The following RANBP2 variants were observed in gnomAD, a reference collection of about 807,000 sequenced individuals.
RANBP2 encodes E3 SUMO-protein ligase RanBP2.
A neutral mutation model predicts 303.6 loss-of-function variants in RANBP2; 57 were observed. The ratio of observed to expected loss-of-function variants is 0.19; its 90% CI spans 0.15 to 0.23. The LOEUF (loss-of-function observed/expected upper bound fraction) is 0.23. Among genes scored for constraint, RANBP2 ranks in the 10% least tolerant of loss-of-function variants. The probability of loss-of-function intolerance (pLI) is 1.00; values close to 1 mark genes in which losing one functional copy is unlikely to be tolerated. For synonymous variants in RANBP2, 1,167 were observed against 1,301.5 expected, an observed-to-expected ratio of 0.90 and a Z score of 2.23; for missense variants, 3,138 against 3,780.8, an observed-to-expected ratio of 0.83 and a Z score of 4.46.
the RANBP2 span, among the ~76,000 whole-genome samples, chr2:109,257,992 A>G: frequency 1.7e-5 from 2 of 119,472 alleles, no homozygotes; most frequent in South Asian, 2.7e-4. Flanking sequence ...TTGTCACCAC[A>G]TGTGCACACA....
rs575985789 is a variant in RANBP2 at position 108,744,784 on chromosome 2, A to C, written c.976-1927A>C. On this transcript the variant is annotated intron_variant, in intron 7 of 28. Coordinates refer to ENST00000283195, the MANE Select transcript of RANBP2 (RefSeq NM_006267.5). ...TTCTGGCGGCTCTTAAGAATATGCT[A>C]TGAAGACTCCTTTCTGTTCCCTAGT... is the stretch of plus-strand genomic sequence containing the variant. Among the ~76,000 whole-genome samples, 3 of 152,252 alleles carry C rather than the reference A, an allele frequency of 2.0e-5. No individual in the cohort carries two copies. In the South Asian group the frequency reaches 6.2e-4, roughly 31 times the overall value.
At chr2:109,763,366 C>T in the RANBP2 span, among the ~76,000 whole-genome samples, 118 of 150,226 alleles carry the variant, frequency 7.9e-4, 8 homozygotes, top group African/African-American at 2.8e-3. Context: ...GGTAACCTGC[C>T]CAGAGTCACA....
At chr2:108,996,284 T>C in the RANBP2 span, among the ~76,000 whole-genome samples, 3 of 152,052 alleles carry the variant, frequency 2.0e-5, no homozygotes, top group South Asian at 4.2e-4. Flanking sequence ...AGCCACACAG[T>C]TTAGGGATCT....
the RANBP2 span, among the ~76,000 whole-genome samples, chr2:108,994,020 C>T: frequency 1.3e-5 from 2 of 152,156 alleles, no homozygotes; most frequent in Admixed American, 1.3e-4. Context: ...GCCTCCATGA[C>T]CTAATCACCT....
chr2:108,805,019 T>C, the RANBP2 span: 32 of 1,438,780 alleles, frequency 2.2e-5, no homozygotes, highest in African/African-American at 3.8e-4. Context: ...GTAAGACCTG[T>C]TTTAATATAT....
the RANBP2 span, among the ~76,000 whole-genome samples, chr2:109,676,223 T>A: frequency 1.3e-5 from 2 of 152,158 alleles, no homozygotes; most frequent in African/African-American, 4.8e-5. Flanking sequence ...GACTACCACG[T>A]CCACACCCTG....
At chr2:109,444,925 A>G in the RANBP2 span, among the ~76,000 whole-genome samples, 11 of 152,234 alleles carry the variant, frequency 7.2e-5, no homozygotes, top group Non-Finnish European at 1.5e-4. Flanking sequence ...GGAATAACAT[A>G]TACACACACA....
the RANBP2 span, among the ~76,000 whole-genome samples, chr2:109,094,293 C>T: frequency 2.6e-5 from 4 of 152,094 alleles, no homozygotes; most frequent in Admixed American, 1.3e-4. Context: ...TATCTTCTCC[C>T]GTAGTATTTC....
At chr2:109,615,709 G>T in the RANBP2 span, 43 of 1,613,688 alleles carry the variant, frequency 2.7e-5, no homozygotes, top group African/African-American at 4.8e-4. Context: ...AGCGCCGCGG[G>T]TAGCGGCGGC....
At chr2:109,543,678 C>A in the RANBP2 span, 1 of 152,664 alleles carries the variant, frequency 6.6e-6, no homozygotes, top group African/African-American at 2.4e-5. Flanking sequence ...GCACTGACTT[C>A]GCTCTTTGGT....
the RANBP2 span, among the ~76,000 whole-genome samples, chr2:109,497,435 TAATG>T: frequency 6.6e-6 from 1 of 152,206 alleles, no homozygotes; most frequent in East Asian, 1.9e-4. Flanking sequence ...ATGGTAATAA[TAATG>T]GAATGAGAAT....
chr2:109,100,767 C>T, the RANBP2 span, among the ~76,000 whole-genome samples: 1 of 151,994 alleles, frequency 6.6e-6, no homozygotes, highest in African/African-American at 2.4e-5. Context: ...AAAAGGGAGA[C>T]AATAAGGACT....
chr2:109,236,687 A>C, the RANBP2 span, among the ~76,000 whole-genome samples: 1 of 152,212 alleles, frequency 6.6e-6, no homozygotes, highest in Admixed American at 6.5e-5. Context: ...GGTCGAAGAA[A>C]GGAAATCCCA....
chr2:109,393,873 C>T, the RANBP2 span, among the ~76,000 whole-genome samples: 1 of 150,374 alleles, frequency 6.7e-6, no homozygotes, highest in Non-Finnish European at 1.5e-5. Flanking sequence ...GCCAATCTTA[C>T]TCCTTTTTTA....
the RANBP2 span, among the ~76,000 whole-genome samples, chr2:108,974,229 T>A: frequency 2.2e-4 from 31 of 140,990 alleles, no homozygotes; most frequent in Admixed American, 1.8e-3. Context: ...AGTTGGGAGG[T>A]TGAGGCAGGA....
the RANBP2 span, among the ~76,000 whole-genome samples, chr2:108,973,864 G>A: frequency 6.6e-6 from 1 of 152,158 alleles, no homozygotes. Flanking sequence ...CATTTCTTGG[G>A]ATTCAAGATG....
the RANBP2 span, among the ~76,000 whole-genome samples, chr2:109,318,529 G>T: frequency 6.6e-6 from 1 of 152,220 alleles, no homozygotes; most frequent in African/African-American, 2.4e-5. Flanking sequence ...GATAAACGCT[G>T]TGAGAGAACT....
the RANBP2 span, among the ~76,000 whole-genome samples, chr2:109,709,614 A>G: frequency 1.2e-4 from 18 of 152,360 alleles, no homozygotes; most frequent in African/African-American, 4.3e-4. Context: ...GGTTGTAAAG[A>G]TGAAACAAGG....
At chr2:109,629,653 A>AT in the RANBP2 span, among the ~76,000 whole-genome samples, 15 of 151,890 alleles carry the variant, frequency 9.9e-5, no homozygotes, top group African/African-American at 3.6e-4. Flanking sequence ...TCTACTAAAA[A>AT]TACAAAAATT....
Sources: allele counts gnomAD v4.1 joint callset (sites outside exome capture counted in the v4.1 genomes callset), GRCh38; gene constraint gnomAD v4.1.1; transcripts MANE v1.5; gene names NCBI Gene and HGNC (gene_info 2026-07-23, HGNC 2026-07-21).